ICA1: variants seen among roughly 807,000 people sequenced by gnomAD.
ICA1 encodes 69 kDa islet cell autoantigen.
ICA1 carries 40 observed loss-of-function variants against 71.0 expected under a neutral mutation model. That is an observed-to-expected ratio of 0.56 (90% CI 0.44 to 0.73). The LOEUF (loss-of-function observed/expected upper bound fraction) is 0.73. ICA1 is among the 30% of genes least tolerant of loss of function. The pLI is 0.00. For synonymous variants in ICA1, 207 were observed against 209.5 expected (o/e 0.99, Z 0.10); for missense variants, 578 against 576.5 (o/e 1.00, Z -0.03).
Position 8,192,103 on chromosome 7 carries a change from T to C in ICA1, c.579+26202A>G, listed in dbSNP as rs531699348. The stretch of plus-strand genomic sequence containing the variant: ...ATTTCCTAAAAATAGGGAACTCTCT[T>C]ACATAACCACAGTACAATTATTGAA... On this transcript the variant is annotated intron_variant, in intron 6 of 13. Transcript: ENST00000402384. Among the ~76,000 whole-genome samples, 18 of 152,330 alleles carry C rather than the reference T, an allele frequency of 1.2e-4. No individual in the cohort carries two copies. The South Asian group carries it at 3.3e-3, about 28-fold the overall frequency.
At chr7:8,197,074 T>C (rs1257075149) in intron 6 of ICA1, among the ~76,000 whole-genome samples, 2 of 151,904 alleles carry the variant, frequency 1.3e-5, no homozygotes, top group Admixed American at 6.6e-5. Flanking sequence ...CTAATAGATA[T>C]ATTAATATAT....
intron 1 of ICA1, among the ~76,000 whole-genome samples, chr7:8,255,965 A>C (rs147573842): frequency 6.6e-6 from 1 of 152,016 alleles, no homozygotes; most frequent in African/African-American, 2.4e-5. Context: ...GGTAGAGATG[A>C]GTTCTCACTA....
chr7:8,249,232 A>AG (rs1807258171), intron 1 of ICA1, among the ~76,000 whole-genome samples: 1 of 151,844 alleles, frequency 6.6e-6, no homozygotes, highest in Non-Finnish European at 1.5e-5. Context: ...CTCTGGGCTG[A>AG]GTCTCTAAGA....
chr7:8,179,562 C>T (rs897759253), intron 6 of ICA1, among the ~76,000 whole-genome samples: 4 of 152,152 alleles, frequency 2.6e-5, no homozygotes, highest in African/African-American at 9.7e-5. Context: ...AACGGTTTTG[C>T]GGTGTTGCTA....
chr7:8,236,213 C>A (rs1417112765), intron 1 of ICA1, among the ~76,000 whole-genome samples: 1 of 152,060 alleles, frequency 6.6e-6, no homozygotes, highest in East Asian at 1.9e-4. Context: ...AAAAAGTGAA[C>A]AGGCAGATTG....
intron 6 of ICA1, among the ~76,000 whole-genome samples, chr7:8,162,685 C>T (rs1480331151): frequency 6.6e-6 from 1 of 152,200 alleles, no homozygotes; most frequent in Non-Finnish European, 1.5e-5. Flanking sequence ...TTTCTTCACT[C>T]AAATAAATGT....
intron 1 of ICA1, among the ~76,000 whole-genome samples, chr7:8,260,895 T>A (rs1408461781): frequency 1.3e-5 from 2 of 152,184 alleles, no homozygotes; most frequent in African/African-American, 4.8e-5. Context: ...GATCTCAGAT[T>A]CAAACCAGAG....
At position 8,144,912 on chromosome 7, in the gene ICA1, C is replaced by G. The variant is rs1168775947; in HGVS notation, c.805-940G>C. Among the ~76,000 whole-genome samples, 1 of 152,148 alleles carries G rather than the reference C, an allele frequency of 6.6e-6. No individual in the cohort carries two copies. Among genetic ancestry groups the G allele is most frequent in the Non-Finnish European group, 1.5e-5 (1 of 68,030 alleles). On this transcript the variant is annotated intron_variant, in intron 8 of 13. Transcript: ENST00000402384. The surrounding 1 kb of genome is among the most constrained non-coding windows in gnomAD (Gnocchi z 4.5). ...TCCTGCCTATCGTTCACTTGTCTGACACACATAGGAGGCAATCAGGTTTCA... is the reference window on the plus strand; with the variant it reads ...TCCTGCCTATCGTTCACTTGTCTGAGACACATAGGAGGCAATCAGGTTTCA...
At chr7:8,209,980 G>A (rs1252817721) in intron 6 of ICA1, among the ~76,000 whole-genome samples, 2 of 152,188 alleles carry the variant, frequency 1.3e-5, no homozygotes, top group African/African-American at 4.8e-5. Context: ...GGGGTTGGGG[G>A]AGGTAGGTCA....
intron 3 of ICA1, among the ~76,000 whole-genome samples, chr7:8,230,815 A>G (rs1800043799): frequency 6.6e-6 from 1 of 152,170 alleles, no homozygotes; most frequent in Non-Finnish European, 1.5e-5. Context: ...TGTCAAACCC[A>G]GTTTCTATTT....
intron 6 of ICA1, among the ~76,000 whole-genome samples, chr7:8,195,847 ATGTGCC>A (rs1218239416): frequency 6.6e-6 from 1 of 151,978 alleles, no homozygotes; most frequent in Non-Finnish European, 1.5e-5. Flanking sequence ...GCATGGTGGT[ATGTGCC>A]TGTAGTCCCA....
chr7:8,215,036 G>A (rs1794978146), intron 6 of ICA1, among the ~76,000 whole-genome samples: 1 of 152,092 alleles, frequency 6.6e-6, no homozygotes, highest in African/African-American at 2.4e-5. Context: ...CCGGGTTTGT[G>A]TAAAAGCCTC....
At chr7:8,155,351 G>A (rs1801120908) in intron 8 of ICA1, among the ~76,000 whole-genome samples, 1 of 152,120 alleles carries the variant, frequency 6.6e-6, no homozygotes, top group Non-Finnish European at 1.5e-5. Flanking sequence ...TAAATTCTCT[G>A]CCCAGAAATG....
intron 7 of ICA1, 174 bp downstream of exon 7, chr7:8,158,353 A>G (rs1443672592): frequency 1.0e-5 from 7 of 671,248 alleles, no homozygotes; most frequent in East Asian, 5.5e-5. Context: ...AATAACTACT[A>G]TTTGGTTTGG....
intron 13 of ICA1, among the ~76,000 whole-genome samples, chr7:8,126,673 G>A (rs1270096635): frequency 1.3e-5 from 2 of 151,898 alleles, no homozygotes; most frequent in Admixed American, 6.6e-5. Flanking sequence ...AGCTTTAAGT[G>A]CCAGATAAAC....
chr7:8,156,859 C>CTCAAGGT (rs1200120716), intron 8 of ICA1: 55 of 1,506,646 alleles, frequency 3.7e-5, no homozygotes, highest in Non-Finnish European at 4.4e-5. Context: ...GAACATGTAT[C>CTCAAGGT]TCAAGGTTCA....
intron 6 of ICA1, among the ~76,000 whole-genome samples, chr7:8,159,173 T>C (rs1584718968): frequency 6.6e-6 from 1 of 152,220 alleles, no homozygotes; most frequent in East Asian, 1.9e-4. Context: ...ATGTCCTTTT[T>C]CTGTTCCAGG....
intron 9 of ICA1, among the ~76,000 whole-genome samples, chr7:8,142,276 C>T (rs1035538758): frequency 1.3e-5 from 2 of 152,238 alleles, no homozygotes; most frequent in Non-Finnish European, 2.9e-5. Context: ...ACTCAACTCT[C>T]ACCACTTCTT....
chr7:8,149,778 TA>T (rs937664917), intron 8 of ICA1, among the ~76,000 whole-genome samples: 3 of 152,044 alleles, frequency 2.0e-5, no homozygotes, highest in Non-Finnish European at 2.9e-5. Context: ...TAATTGTCTA[TA>T]AAAAAAATAA....
Sources: allele counts gnomAD v4.1 joint callset (sites outside exome capture counted in the v4.1 genomes callset), GRCh38; gene constraint gnomAD v4.1.1; non-coding constraint Gnocchi (gnomAD v3.1); transcripts MANE v1.5; gene names NCBI Gene and HGNC (gene_info 2026-07-23, HGNC 2026-07-21).